FGF12: variants seen among roughly 807,000 people sequenced by gnomAD.
The protein encoded by FGF12 is fibroblast growth factor 12.
In FGF12, 14 loss-of-function variants were observed where a neutral mutation model predicts 23.6. The ratio of observed to expected loss-of-function variants is 0.59; its 90% CI spans 0.39 to 0.93. The LOEUF (loss-of-function observed/expected upper bound fraction) is 0.93. FGF12 is among the 40% of genes least tolerant of loss of function. FGF12 has a pLI of 0.00. For synonymous variants in FGF12, 62 were observed against 77.3 expected, an observed-to-expected ratio of 0.80 and a Z score of 1.04; for missense variants, 175 against 217.8, an observed-to-expected ratio of 0.80 and a Z score of 1.24.
chr3:192,506,339 A>T (rs750432947), intron 2 of FGF12, among the ~76,000 whole-genome samples: 2 of 152,144 alleles, frequency 1.3e-5, no homozygotes, highest in South Asian at 4.1e-4. Context: ...GTTAGAACAT[A>T]GTTTATTCTT....
chr3:192,150,759 A>G (rs999927257), intron 5 of FGF12, among the ~76,000 whole-genome samples: 7 of 148,554 alleles, frequency 4.7e-5, no homozygotes, highest in African/African-American at 1.7e-4. Context: ...TGATGCCTCC[A>G]GCTTTGCTCT....
At chr3:192,509,577 T>C (rs1223052985) in intron 2 of FGF12, among the ~76,000 whole-genome samples, 1 of 152,178 alleles carries the variant, frequency 6.6e-6, no homozygotes, top group Non-Finnish European at 1.5e-5. Context: ...GTCTTGCAAT[T>C]AAATTACAAC....
At chr3:192,319,977 G>A (rs1318600744) in intron 4 of FGF12, among the ~76,000 whole-genome samples, 2 of 152,112 alleles carry the variant, frequency 1.3e-5, no homozygotes, top group South Asian at 2.1e-4. Context: ...ATAACAAAGT[G>A]GCCAGAACAA....
intron 4 of FGF12, among the ~76,000 whole-genome samples, chr3:192,261,035 G>C (rs77828923): frequency 0.029 from 4,404 of 152,132 alleles, 85 homozygotes; most frequent in Non-Finnish European, 0.044. Context: ...GGGGTACAGG[G>C]GTAAAGGAAC....
chr3:192,404,817 A>C (rs1720897946), intron 2 of FGF12, among the ~76,000 whole-genome samples: 1 of 152,188 alleles, frequency 6.6e-6, no homozygotes, highest in Non-Finnish European at 1.5e-5. Flanking sequence ...CAATAATGCT[A>C]TACGGTGGTC....
chr3:192,250,865 A>T (rs973514513), intron 4 of FGF12, among the ~76,000 whole-genome samples: 1 of 152,158 alleles, frequency 6.6e-6, no homozygotes, highest in Non-Finnish European at 1.5e-5. Context: ...AACATAGAAG[A>T]TTAAATTCAT....
chr3:192,456,634 T>TA lies in FGF12; in HGVS notation c.14-96097dup, dbSNP rs536545720. ...AAATTTTTAAAAATAATTTAAAAGT[T>TA]AAAAAAATGAAATGACTTAAATACC... On this transcript the variant is annotated intron_variant, in intron 2 of 5. Coordinates refer to ENST00000445105, the MANE Select transcript of FGF12 (RefSeq NM_004113.6). Among the ~76,000 whole-genome samples the TA allele has an allele frequency of 1.4e-4, 22 of 152,236 alleles. 1 individual carries two copies. The East Asian group carries it at 4.1e-3, about 28-fold the overall frequency.
intron 4 of FGF12, among the ~76,000 whole-genome samples, chr3:192,179,969 G>A (rs1716078884): frequency 6.6e-6 from 1 of 152,156 alleles, no homozygotes; most frequent in Non-Finnish European, 1.5e-5. Flanking sequence ...TGAGAATGCA[G>A]TAGCCTGAGC....
intron 2 of FGF12, among the ~76,000 whole-genome samples, chr3:192,365,685 C>A (rs1576914212): frequency 6.6e-6 from 1 of 152,148 alleles, no homozygotes; most frequent in Middle Eastern, 3.4e-3. Context: ...AGGATGGGAC[C>A]TCGGGTTCAA....
intron 2 of FGF12, among the ~76,000 whole-genome samples, chr3:192,427,293 A>G (rs1191313516): frequency 1.3e-5 from 2 of 152,092 alleles, no homozygotes; most frequent in South Asian, 4.1e-4. Context: ...AGGCAAGAGA[A>G]TCGCTTGAAC....
intron 2 of FGF12, among the ~76,000 whole-genome samples, chr3:192,630,717 T>A (rs1468207056): frequency 1.5e-5 from 2 of 132,860 alleles, no homozygotes; most frequent in Non-Finnish European, 3.2e-5. Context: ...CACGCCCGGC[T>A]AATTTTTTTT....
chr3:192,225,650 T>C (rs1046443138), intron 4 of FGF12, among the ~76,000 whole-genome samples: 18 of 152,282 alleles, frequency 1.2e-4, no homozygotes, highest in African/African-American at 4.1e-4. Context: ...ACACAAAATG[T>C]ATAAACAAAT....
chr3:192,484,353 A>T (rs1723570079), intron 2 of FGF12, among the ~76,000 whole-genome samples: 1 of 149,924 alleles, frequency 6.7e-6, no homozygotes. Flanking sequence ...ATCAATTTGT[A>T]TTAATCTAGA....
Position 192,669,819 on chromosome 3 carries a change from C to T in FGF12, c.13+57362G>A, listed in dbSNP as rs900783397. Among the ~76,000 whole-genome samples the T allele has an allele frequency of 7.9e-5, 12 of 151,964 alleles. No homozygotes were observed. The East Asian group carries it at 9.7e-4, about 12-fold the overall frequency. The stretch of plus-strand genomic sequence containing the variant: ...TTGTGTAATAAACTGTGTCAACATA[C>T]GAAAGAGCTGCATGACTCAGTGAAC... On this transcript the variant is annotated intron_variant, in intron 2 of 5. Coordinates refer to ENST00000445105, the MANE Select transcript of FGF12 (RefSeq NM_004113.6).
chr3:192,480,294 C>A (rs1723445528), intron 2 of FGF12, among the ~76,000 whole-genome samples: 1 of 152,178 alleles, frequency 6.6e-6, no homozygotes. Flanking sequence ...TTTTCTCCCA[C>A]AAAACCTGGA....
chr3:192,619,063 T>G (rs1343744639), intron 2 of FGF12, among the ~76,000 whole-genome samples: 1 of 152,034 alleles, frequency 6.6e-6, no homozygotes, highest in Non-Finnish European at 1.5e-5. Flanking sequence ...TTAAATTAGC[T>G]AATTAAAGGC....
intron 2 of FGF12, among the ~76,000 whole-genome samples, chr3:192,542,664 A>G (rs1725399603): frequency 6.6e-6 from 1 of 152,024 alleles, no homozygotes; most frequent in East Asian, 1.9e-4. Context: ...CCAAGCATTC[A>G]AAGGCACTTG....
At position 192,554,590 on chromosome 3, in the gene FGF12, C is replaced by T. The variant is rs189137882; in HGVS notation, c.13+172591G>A. Reference sequence around the variant, plus strand: ...GATCTTTTCCTATACAAAGCCAGTTCATAAAAACTGATATATATGGCTATT... The same window carrying T: ...GATCTTTTCCTATACAAAGCCAGTTTATAAAAACTGATATATATGGCTATT... On this transcript the variant is annotated intron_variant, in intron 2 of 5. Coordinates refer to ENST00000445105, the MANE Select transcript of FGF12 (RefSeq NM_004113.6). Among the ~76,000 whole-genome samples, 398 of 152,182 alleles carry T rather than the reference C, an allele frequency of 2.6e-3. 7 individuals are homozygous for T. Among genetic ancestry groups the T allele is most frequent in the Non-Finnish European group, 1.7e-3 (115 of 68,008 alleles).
chr3:192,156,204 CAAAA>C (rs1714405816), intron 5 of FGF12, among the ~76,000 whole-genome samples: 1 of 152,034 alleles, frequency 6.6e-6, no homozygotes, highest in South Asian at 2.1e-4. Context: ...AACATGAAAA[CAAAA>C]CAAAGAAACA....
Sources: gnomAD v4.1 joint callset for allele counts (sites outside exome capture counted in the v4.1 genomes callset) on GRCh38, gnomAD v4.1.1 for gene constraint, MANE v1.5 for transcripts, NCBI Gene and HGNC (gene_info 2026-07-23, HGNC 2026-07-21) for gene names.